The following CNTNAP2 variants were observed in gnomAD, a reference collection of about 807,000 sequenced individuals.
CNTNAP2 encodes the protein contactin-associated protein-like 2.
Under a neutral mutation model 155.2 loss-of-function variants are expected in CNTNAP2, and 98 were observed. That is an observed-to-expected ratio of 0.63 (90% confidence interval 0.54 to 0.75). The LOEUF (loss-of-function observed/expected upper bound fraction) is 0.75. Ranked by LOEUF, CNTNAP2 falls within the 30% of genes least tolerant of loss-of-function variation. The pLI, the probability that CNTNAP2 is intolerant of heterozygous loss-of-function variation, is 0.00. For synonymous variants in CNTNAP2, 651 were observed against 631.2 expected (o/e 1.03, Z -0.47); for missense variants, 1,727 against 1,688.1 (o/e 1.02, Z -0.40).
chr7:147,978,319 T>C (rs533691086), intron 15 of CNTNAP2: 44 of 360,296 alleles, frequency 1.2e-4, no homozygotes, highest in South Asian at 6.1e-4. Context: ...AGTGCTGCTG[T>C]TAATGCCATT....
chr7:148,106,490 T>TGA (rs145417316), intron 15 of CNTNAP2, among the ~76,000 whole-genome samples: 13 of 60,284 alleles, frequency 2.2e-4, no homozygotes, highest in African/African-American at 1.1e-3. Context: ...CTGCACACTT[T>TGA]GAGATATATA....
intron 12 of CNTNAP2, among the ~76,000 whole-genome samples, chr7:147,600,131 A>G (rs1163796120): frequency 6.6e-6 from 1 of 152,340 alleles, no homozygotes; most frequent in African/African-American, 2.4e-5. Flanking sequence ...GACCCTGGTC[A>G]TGGGCGTGTT....
In CNTNAP2 at chr7:148,377,896, A is replaced by T. The variant is rs1370331993; in HGVS notation, c.3476-5753A>T. Among the ~76,000 whole-genome samples the T allele has an allele frequency of 2.9e-5, 2 of 68,360 alleles. 1 individual carries two copies. The highest frequency in any genetic ancestry group is 7.2e-5 in the African/African-American group (2 of 27,874). The allele number at this position is 68,360 out of a possible 152,430, so 44.8% of individuals were successfully genotyped here. A position where few individuals can be genotyped will look rare whatever the true frequency, so the allele number is the denominator to read the frequency against. ...TTCTGTTTTCCACTTTCAACACTTT[A>T]TTATAAAATAGGTGTGTTAGATGAC... On this transcript the variant is annotated intron_variant, in intron 21 of 23. Coordinates refer to ENST00000361727, the MANE Select transcript of CNTNAP2 (RefSeq NM_014141.6).
rs745979204 is a variant in CNTNAP2, at chr7:146,408,994, C to CTA, written c.97+292030_97+292031dup. Among the ~76,000 whole-genome samples, 9 of 152,026 alleles carry CTA rather than the reference C, an allele frequency of 5.9e-5. No homozygotes were observed. The South Asian group carries it at 1.5e-3, about 25-fold the overall frequency. ...ATCTGGAGAATAGACACAATGATGA[C>CTA]TATATATATAATAATCTCATCTAAT... On this transcript the variant is annotated intron_variant, in intron 1 of 23. Coordinates refer to ENST00000361727, the MANE Select transcript of CNTNAP2 (RefSeq NM_014141.6).
chr7:146,663,845 T>TTTTA (rs1239692330), intron 1 of CNTNAP2, among the ~76,000 whole-genome samples: 2,758 of 152,204 alleles, frequency 0.018, 85 homozygotes, highest in African/African-American at 0.063. Context: ...TGCCCCAATT[T>TTTTA]TTTATTTATT....
At chr7:146,475,979 G>A (rs954605720) in intron 1 of CNTNAP2, among the ~76,000 whole-genome samples, 3 of 152,088 alleles carry the variant, frequency 2.0e-5, no homozygotes, top group Non-Finnish European at 4.4e-5. Context: ...AAATTGAAAG[G>A]TGACCCACGT....
intron 20 of CNTNAP2, among the ~76,000 whole-genome samples, chr7:148,242,411 G>A (rs1585211364): frequency 6.6e-6 from 1 of 152,340 alleles, no homozygotes; most frequent in Non-Finnish European, 1.5e-5. Context: ...TGAAGATTTT[G>A]ATGGACATGG....
intron 13 of CNTNAP2, among the ~76,000 whole-genome samples, chr7:147,759,220 A>G (rs375034281): frequency 2.3e-4 from 35 of 152,324 alleles, no homozygotes; most frequent in African/African-American, 7.9e-4. Flanking sequence ...ATAAAAAGAA[A>G]TTATGTTCAA....
At chr7:146,799,735 G>T (rs895092874) in intron 2 of CNTNAP2, among the ~76,000 whole-genome samples, 3 of 152,166 alleles carry the variant, frequency 2.0e-5, no homozygotes, top group Non-Finnish European at 2.9e-5. Context: ...ACCTAAGTCT[G>T]AACCTTTCTC....
At chr7:146,976,621 C>A (rs544780704) in intron 3 of CNTNAP2, among the ~76,000 whole-genome samples, 2 of 152,058 alleles carry the variant, frequency 1.3e-5, no homozygotes, top group Non-Finnish European at 2.9e-5. Flanking sequence ...GCTTCCATGC[C>A]CTCTTTGGGG....
At chr7:146,620,805 C>T (rs1359765888) in intron 1 of CNTNAP2, among the ~76,000 whole-genome samples, 2 of 152,020 alleles carry the variant, frequency 1.3e-5, no homozygotes, top group African/African-American at 4.8e-5. Flanking sequence ...GTGCTCACCC[C>T]CTCCAAGTCC....
intron 13 of CNTNAP2, among the ~76,000 whole-genome samples, chr7:147,760,539 A>C (rs1797282815): frequency 6.6e-6 from 1 of 152,236 alleles, no homozygotes; most frequent in African/African-American, 2.4e-5. Context: ...TATACATTAC[A>C]GTTTAGAACA....
intron 12 of CNTNAP2, among the ~76,000 whole-genome samples, chr7:147,622,311 T>G (rs971903836): frequency 2.0e-5 from 3 of 152,028 alleles, no homozygotes; most frequent in African/African-American, 7.2e-5. Context: ...ATAGAACATT[T>G]CATCCAATGG....
At position 147,681,436 on chromosome 7, in the gene CNTNAP2, T is replaced by C. The variant is rs369205592; in HGVS notation, c.2098+42130T>C. ...AACCTAAAAGCACACCAGAACTTTCTGAAACTTTTTCCCCCATGCTAGATG... is the reference window on the plus strand; with the variant it reads ...AACCTAAAAGCACACCAGAACTTTCCGAAACTTTTTCCCCCATGCTAGATG... On this transcript the variant is annotated intron_variant, in intron 13 of 23. Transcript: ENST00000361727. 2.0e-5 allele frequency among the ~76,000 whole-genome samples: 3 copies of C among 152,016 alleles called. No homozygotes were observed. The South Asian group carries it at 6.2e-4, about 32-fold the overall frequency.
chr7:146,450,470 G>A (rs564903621), intron 1 of CNTNAP2, among the ~76,000 whole-genome samples: 1 of 152,284 alleles, frequency 6.6e-6, no homozygotes, highest in South Asian at 2.1e-4. Context: ...AAGAAAACTT[G>A]ATTAACTTAT....
At chr7:148,302,656 T>C (rs1475452936) in intron 21 of CNTNAP2, among the ~76,000 whole-genome samples, 1 of 152,112 alleles carries the variant, frequency 6.6e-6, no homozygotes, top group African/African-American at 2.4e-5. Flanking sequence ...CAAGATCTGA[T>C]GGTTTTATAA....
At chr7:146,487,399 T>C (rs1797073010) in intron 1 of CNTNAP2, among the ~76,000 whole-genome samples, 1 of 152,224 alleles carries the variant, frequency 6.6e-6, no homozygotes, top group Non-Finnish European at 1.5e-5. Flanking sequence ...TGCAAACATA[T>C]GTCTCGTAGT....
chr7:146,256,422 T>A (rs1318203111), intron 1 of CNTNAP2, among the ~76,000 whole-genome samples: 1 of 152,104 alleles, frequency 6.6e-6, no homozygotes, highest in African/African-American at 2.4e-5. Flanking sequence ...TTTAAAGAGT[T>A]TTCTTTAGAA....
intron 13 of CNTNAP2, among the ~76,000 whole-genome samples, chr7:147,717,969 A>G (rs1034871435): frequency 6.6e-6 from 1 of 152,044 alleles, no homozygotes; most frequent in African/African-American, 2.4e-5. Flanking sequence ...TATTACTATA[A>G]TAGTACCAAT....
Sources: gnomAD v4.1 joint callset for allele counts (sites outside exome capture counted in the v4.1 genomes callset) on GRCh38, gnomAD v4.1.1 for gene constraint, MANE v1.5 for transcripts, NCBI Gene and HGNC (gene_info 2026-07-23, HGNC 2026-07-21) for gene names.